Variants in ADGRG6 observed in about 807,000 individuals in gnomAD.
ADGRG6 encodes the protein G-protein coupled receptor 126.
In ADGRG6, 84 loss-of-function variants were observed where a neutral mutation model predicts 142.4. The ratio of observed to expected loss-of-function variants is 0.59; its 90% CI spans 0.49 to 0.71. The LOEUF (loss-of-function observed/expected upper bound fraction) is 0.71. ADGRG6 is among the 30% of genes least tolerant of loss of function. The pLI is 0.00. For synonymous variants in ADGRG6, 521 were observed against 520.5 expected, an observed-to-expected ratio of 1.00 and a Z score of -0.01; for missense variants, 1,367 against 1,466.6, an observed-to-expected ratio of 0.93 and a Z score of 1.11.
intron 22 of ADGRG6, among the ~76,000 whole-genome samples, chr6:142,423,345 A>T (rs1776758241): frequency 1.3e-5 from 2 of 151,068 alleles, no homozygotes; most frequent in African/African-American, 4.9e-5. Flanking sequence ...TTTTTGTATA[A>T]GGTGTAAGGA....
intron 2 of ADGRG6, among the ~76,000 whole-genome samples, chr6:142,315,479 G>C (rs533576495): frequency 7.2e-4 from 110 of 152,188 alleles, no homozygotes; most frequent in African/African-American, 2.5e-3. Context: ...TTTGAGGTTA[G>C]ATGAGAAAAG....
chr6:142,351,267 A>G lies in ADGRG6; in HGVS notation c.104-16302A>G, dbSNP rs537034228. On this transcript the variant is annotated intron_variant, in intron 2 of 24. Transcript: ENST00000367609. ...ACAAAACAAAACAAACAAACAAAAGAACAAAGTGGGGGCATCACACTACCA... is the reference window on the plus strand; with the variant it reads ...ACAAAACAAAACAAACAAACAAAAGGACAAAGTGGGGGCATCACACTACCA... Among the ~76,000 whole-genome samples, 3 of 152,202 alleles carry G rather than the reference A, an allele frequency of 2.0e-5. No homozygotes were observed. The South Asian group carries it at 6.2e-4, about 32-fold the overall frequency.
intron 10 of ADGRG6, among the ~76,000 whole-genome samples, chr6:142,399,754 A>C (rs1775406541): frequency 6.6e-6 from 1 of 152,254 alleles, no homozygotes; most frequent in Admixed American, 6.5e-5. Flanking sequence ...TCAGTTGGTG[A>C]TGACAGTACT....
At chr6:142,335,471 A>G (rs1036341946) in intron 2 of ADGRG6, among the ~76,000 whole-genome samples, 2 of 152,212 alleles carry the variant, frequency 1.3e-5, no homozygotes, top group African/African-American at 4.8e-5. Context: ...GTGAGGATTC[A>G]GTTCCTGGGA....
At chr6:142,370,824 T>C (rs1455244431) in intron 4 of ADGRG6, 31 bp downstream of exon 4, 4 of 1,609,356 alleles carry the variant, frequency 2.5e-6, no homozygotes, top group South Asian at 2.2e-5. Context: ...TTTTTTTTTT[T>C]TTTTTTAGCA....
At chr6:142,304,895 C>A (rs1777406370) in intron 1 of ADGRG6, among the ~76,000 whole-genome samples, 3 of 151,792 alleles carry the variant, frequency 2.0e-5, no homozygotes, top group South Asian at 2.1e-4. Context: ...ATATATTGAT[C>A]AAAAAATGTG....
At chr6:142,415,356 C>T (rs1752117296) in intron 19 of ADGRG6, among the ~76,000 whole-genome samples, 1 of 151,968 alleles carries the variant, frequency 6.6e-6, no homozygotes, top group African/African-American at 2.4e-5. Context: ...ATATAAGGTG[C>T]TTTCTGTATT....
At chr6:142,335,803 A>C (rs531002577) in intron 2 of ADGRG6, among the ~76,000 whole-genome samples, 17 of 152,236 alleles carry the variant, frequency 1.1e-4, no homozygotes, top group African/African-American at 3.1e-4. Flanking sequence ...GGTGTTATAG[A>C]CTACTTAATG....
chr6:142,421,244 A>G (rs1337470136), intron 22 of ADGRG6, among the ~76,000 whole-genome samples: 2 of 152,188 alleles, frequency 1.3e-5, no homozygotes, highest in African/African-American at 4.8e-5. Flanking sequence ...GGATTGCTAG[A>G]TGGAGAAAGA....
At chr6:142,318,977 A>T (rs569089988) in intron 2 of ADGRG6, among the ~76,000 whole-genome samples, 1 of 152,104 alleles carries the variant, frequency 6.6e-6, no homozygotes, top group Admixed American at 6.6e-5. Context: ...GATTTGTGCA[A>T]TTGCAGATGA....
chr6:142,412,210 A>G (rs1364765308), intron 18 of ADGRG6, among the ~76,000 whole-genome samples: 3 of 152,132 alleles, frequency 2.0e-5, no homozygotes, highest in African/African-American at 7.2e-5. Flanking sequence ...TGATTTTGCA[A>G]ACACTTTTCT....
chr6:142,302,270 C>T lies in ADGRG6; in HGVS notation c.-60C>T. ...CCTGGGTGGAGCAGCGGCAGCAGAG[C>T]GGGAAAGTGGTGGAGGATGATCTTG... On this transcript the variant is annotated 5_prime_UTR_variant, in exon 1 of 25. Transcript: ENST00000367609. The T allele has an allele frequency of 1.3e-6, 2 of 1,598,640 alleles. No homozygotes were observed. The highest frequency in any genetic ancestry group is 8.5e-7 in the Non-Finnish European group (1 of 1,171,172).
At position 142,417,279 on chromosome 6, in the gene ADGRG6, C is replaced by G; in HGVS notation, c.2945C>G (p.Pro982Arg). 1 of 1,582,376 alleles carries G rather than the reference C, an allele frequency of 6.3e-7. No homozygotes were observed. The highest frequency in any genetic ancestry group is 8.7e-7 in the Non-Finnish European group (1 of 1,153,012). Residue 982 changes from proline (P) to arginine (R), a missense_variant, in exon 21 of 25, where the codon CCT becomes CGT. By Grantham distance (103) the Pro-to-Arg change is moderately radical (BLOSUM62 -2). This residue lies in a region of ADGRG6 where 344 missense variants were observed against 348.7 expected (regional missense o/e 0.99). Coordinates refer to ENST00000367609, the MANE Select transcript of ADGRG6 (RefSeq NM_198569.3). Reference sequence around the variant, plus strand: ...CATGGTGTTTTTGTAACAGGTTTGCCTGCCTTAGTGGTGTCAGTTGTTCTA... The same window carrying G: ...CATGGTGTTTTTGTAACAGGTTTGCGTGCCTTAGTGGTGTCAGTTGTTCTA... Reference protein sequence around the residue: ...LKFCIIGWGLPALVVSVVLAS... With the variant: ...LKFCIIGWGLRALVVSVVLAS...
intron 7 of ADGRG6, among the ~76,000 whole-genome samples, chr6:142,392,349 C>T (rs1244258647): frequency 2.0e-5 from 3 of 151,836 alleles, no homozygotes; most frequent in African/African-American, 4.8e-5. Flanking sequence ...AACTCTTATG[C>T]TGAGACCATA....
intron 22 of ADGRG6, among the ~76,000 whole-genome samples, chr6:142,436,090 G>T (rs1462174675): frequency 6.6e-6 from 1 of 152,090 alleles, no homozygotes; most frequent in Non-Finnish European, 1.5e-5. Flanking sequence ...GATGTCCTTT[G>T]AGCAATATGT....
chr6:142,386,679 T>C (rs1782044391), intron 6 of ADGRG6, among the ~76,000 whole-genome samples: 1 of 152,244 alleles, frequency 6.6e-6, no homozygotes, highest in Admixed American at 6.5e-5. Context: ...TCTTATACTT[T>C]ATGAATTTTT....
intron 1 of ADGRG6, among the ~76,000 whole-genome samples, chr6:142,307,068 A>T (rs992907394): frequency 5.3e-5 from 8 of 152,274 alleles, no homozygotes; most frequent in African/African-American, 1.9e-4. Context: ...TGGAATCCCT[A>T]AATGCTGAAA....
At chr6:142,311,772 C>T (rs1393880434) in intron 2 of ADGRG6, among the ~76,000 whole-genome samples, 2 of 151,920 alleles carry the variant, frequency 1.3e-5, no homozygotes, top group Non-Finnish European at 2.9e-5. Context: ...CTAGAGCCAT[C>T]TCTTGAGTTG....
intron 22 of ADGRG6, among the ~76,000 whole-genome samples, chr6:142,428,717 C>G (rs998271699): frequency 6.6e-6 from 1 of 152,102 alleles, no homozygotes; most frequent in Admixed American, 6.6e-5. Context: ...CACTCACTAT[C>G]ACAAGAACAG....
Sources: gnomAD v4.1 joint callset for allele counts (sites outside exome capture counted in the v4.1 genomes callset) on GRCh38, gnomAD v4.1.1 for gene constraint, gnomAD v4.1.1 regional missense constraint, MANE v1.5 for transcripts, NCBI Gene and HGNC (gene_info 2026-07-23, HGNC 2026-07-21) for gene names.